The following NTMT2 variants were observed in gnomAD, a reference collection of about 807,000 sequenced individuals.
NTMT2 encodes the protein X-Pro-Lys N-terminal protein methyltransferase 1B.
Under a neutral mutation model 23.4 loss-of-function variants are expected in NTMT2, and 21 were observed. That is an observed-to-expected ratio of 0.90 (90% CI 0.64 to 1.29). The LOEUF is 1.29. NTMT2 is among the 50% of genes most tolerant of loss of function. The probability of loss-of-function intolerance (pLI) is 0.00; values close to 1 mark genes in which losing one functional copy is unlikely to be tolerated. For synonymous variants in NTMT2, 131 were observed against 127.7 expected (o/e 1.03, Z -0.17); for missense variants, 336 against 352.0 (o/e 0.95, Z 0.36).
chr1:170,150,249 T>C (rs901354533), intron 1 of NTMT2, among the ~76,000 whole-genome samples: 4 of 152,176 alleles, frequency 2.6e-5, no homozygotes, highest in African/African-American at 9.7e-5. Flanking sequence ...GGAAATTTGC[T>C]GAAACATCCC....
rs114906167 is a variant in NTMT2 at position 170,166,805 on chromosome 1, A to G, written c.580+54A>G. On this transcript the variant is annotated intron_variant, in intron 3 of 3. Coordinates refer to ENST00000439373, the MANE Select transcript of NTMT2 (RefSeq NM_001136107.2). ...TTTCTCCCCTTCTCAGCCAGAGAAG[A>G]CAGTCCTTGGGGCTAATGAGGGCAC... 517 of 1,539,800 alleles carry G rather than the reference A, an allele frequency of 3.4e-4. 3 individuals carry two copies. The African/African-American group carries it at 6.6e-3, about 20-fold the overall frequency.
chr1:170,166,591 C>T lies in NTMT2; in HGVS notation c.420C>T (p.Asn140=). The T allele has an allele frequency of 6.4e-7, 1 of 1,552,242 alleles. No individual in the cohort carries two copies. The highest frequency in any genetic ancestry group is 2.4e-5 in the East Asian group (1 of 40,926). Residue 140 remains asparagine (N), a synonymous_variant, in exon 3 of 4, where the codon AAC becomes AAT. Transcript: ENST00000439373. Reference sequence around the variant, plus strand: ...AACACGTCTTATTGCCTGTTTTCAACAGTGTGGAGCTGGTGGATATGATGG... The same window carrying T: ...AACACGTCTTATTGCCTGTTTTCAATAGTGTGGAGCTGGTGGATATGATGG... ...VSKHVLLPVF[N]SVELVDMMES...
chr1:170,148,142 CTTT>C (rs371620511), intron 1 of NTMT2, among the ~76,000 whole-genome samples: 2 of 74,542 alleles, frequency 2.7e-5, no homozygotes, highest in Non-Finnish European at 4.6e-5. Flanking sequence ...TGAGGCACTC[CTTT>C]TTTTTTTTTT....
chr1:170,150,097 TTTG>T (rs1473088265), intron 1 of NTMT2, among the ~76,000 whole-genome samples: 1 of 152,124 alleles, frequency 6.6e-6, no homozygotes, highest in Non-Finnish European at 1.5e-5. Flanking sequence ...GCACAGAGAG[TTTG>T]TTGTTTGGGG....
rs939575857 is a variant in NTMT2 at position 170,146,376 on chromosome 1, C to T, written c.154+115C>T. ...AAGGACACTTTTCAGACAAAAAAAA[C>T]TCCACAACCAATGTCACTGGGCTGA... On this transcript the variant is annotated intron_variant, in intron 1 of 3. Transcript: ENST00000439373. The T allele has an allele frequency of 5.2e-6, 5 of 967,796 alleles. No individual in the cohort carries two copies. The Admixed American group carries it at 1.4e-4, about 28-fold the overall frequency. 60.0% of individuals were successfully genotyped at this position (967,796 alleles called of 1,614,324 possible). A position where few individuals can be genotyped will look rare whatever the true frequency, so the allele number is the denominator to read the frequency against.
At chr1:170,166,121 CTTTCTT>C (rs1673374190) in intron 2 of NTMT2, among the ~76,000 whole-genome samples, 1 of 102,150 alleles carries the variant, frequency 9.8e-6, no homozygotes, top group East Asian at 3.1e-4. Context: ...GTGCAATTTT[CTTTCTT>C]TTTTTTTTTT....
chr1:170,158,272 A>T (rs1673203399), intron 1 of NTMT2, among the ~76,000 whole-genome samples: 1 of 152,236 alleles, frequency 6.6e-6, no homozygotes, highest in East Asian at 1.9e-4. Flanking sequence ...GAGTTGCCAA[A>T]TAAAATATAT....
chr1:170,149,369 G>T lies in NTMT2; in HGVS notation c.154+3108G>T, dbSNP rs542345147. Among the ~76,000 whole-genome samples the T allele has an allele frequency of 1.4e-3, 218 of 152,296 alleles. 8 individuals carry two copies. The South Asian group carries it at 0.043, about 30-fold the overall frequency. On this transcript the variant is annotated intron_variant, in intron 1 of 3. Coordinates refer to ENST00000439373, the MANE Select transcript of NTMT2 (RefSeq NM_001136107.2). ...AGTGTGACTTTTATTCAATTAGAAG[G>T]CTTCCCTTAATCCTTGATTCACTCA...
At chr1:170,158,253 T>C (rs896833210) in intron 1 of NTMT2, 4 of 152,114 alleles carry the variant, frequency 2.6e-5, no homozygotes, top group Non-Finnish European at 4.4e-5. Context: ...TTCTAGTCTT[T>C]TGAACATAGA....
intron 1 of NTMT2, among the ~76,000 whole-genome samples, chr1:170,153,747 T>A (rs1673114057): frequency 6.6e-6 from 1 of 152,228 alleles, no homozygotes; most frequent in Non-Finnish European, 1.5e-5. Flanking sequence ...TATTTAAAGG[T>A]GAAGCACAGC....
chr1:170,152,192 G>C (rs964992866), intron 1 of NTMT2, among the ~76,000 whole-genome samples: 2 of 152,196 alleles, frequency 1.3e-5, no homozygotes, highest in Non-Finnish European at 2.9e-5. Context: ...AGAGTTTAGT[G>C]TAGGAGAGAG....
chr1:170,155,282 T>C (rs1673143323), intron 1 of NTMT2, among the ~76,000 whole-genome samples: 1 of 152,180 alleles, frequency 6.6e-6, no homozygotes, highest in South Asian at 2.1e-4. Context: ...ATGAGTTATG[T>C]AACCTATTCA....
Position 170,166,620 on chromosome 1 carries a change from C to A in NTMT2, c.449C>A (p.Ser150Tyr). ...NSVELVDMME[S>Y]FLLEAQNYLQ... ...GTGGAGCTGGTGGATATGATGGAAT[C>A]CTTTCTCCTTGAAGCCCAGAACTAC... The change falls in exon 3 of 4, where the codon TCC becomes TAC. Residue 150 changes from serine to tyrosine, a missense_variant. Physicochemically the swap from Ser to Tyr is moderately radical, Grantham distance 144. Transcript: ENST00000439373. 1 of 1,551,740 alleles carries A rather than the reference C, an allele frequency of 6.4e-7. No individual in the cohort carries two copies. The highest frequency in any genetic ancestry group is 8.7e-7 in the Non-Finnish European group (1 of 1,146,996).
chr1:170,158,410 A>G (rs1375161305), intron 1 of NTMT2, among the ~76,000 whole-genome samples: 3 of 152,054 alleles, frequency 2.0e-5, no homozygotes, highest in Non-Finnish European at 4.4e-5. Flanking sequence ...TGAAGTTCAA[A>G]TATGTGTGTT....
At chr1:170,146,384 C>A in intron 1 of NTMT2, 123 bp downstream of exon 1, 1 of 867,906 alleles carries the variant, frequency 1.2e-6, no homozygotes, top group Non-Finnish European at 1.8e-6. Context: ...AACTCCACAA[C>A]CAATGTCACT....
intron 1 of NTMT2, among the ~76,000 whole-genome samples, chr1:170,147,309 C>G (rs1331663593): frequency 6.6e-6 from 1 of 152,138 alleles, no homozygotes; most frequent in East Asian, 1.9e-4. Context: ...TTCTCATAGT[C>G]ACACTATGAA....
In NTMT2 at chr1:170,166,770, T is replaced by C. The variant is rs767500822; in HGVS notation, c.580+19T>C. On this transcript the variant is annotated intron_variant, in intron 3 of 3. Coordinates refer to ENST00000439373, the MANE Select transcript of NTMT2 (RefSeq NM_001136107.2). ...GTCTCTGGTTAGTCCTGCATGACTT[T>C]CCCTCTGCTTTTCTCCCCTTCTCAG... 10 of 1,549,846 alleles carry C rather than the reference T, an allele frequency of 6.5e-6. No individual in the cohort carries two copies. In the African/African-American group the frequency reaches 1.4e-4, roughly 21 times the overall value.
chr1:170,146,313 G>A (rs1571813856), intron 1 of NTMT2, 52 bp downstream of exon 1: 3 of 1,503,070 alleles, frequency 2.0e-6, no homozygotes, highest in East Asian at 5.0e-5. Context: ...TGATGGGATT[G>A]CATGAGGTCA....
intron 1 of NTMT2, 104 bp downstream of exon 1, chr1:170,146,365 G>A: frequency 8.8e-7 from 1 of 1,137,562 alleles, no homozygotes; most frequent in Admixed American, 2.8e-5. Flanking sequence ...ACACTTTTCA[G>A]ACAAAAAAAA....
Sources: allele counts gnomAD v4.1 joint callset (sites outside exome capture counted in the v4.1 genomes callset), GRCh38; gene constraint gnomAD v4.1.1; transcripts MANE v1.5; gene names NCBI Gene and HGNC (gene_info 2026-07-23, HGNC 2026-07-21).